ERICH1: variants seen among roughly 807,000 people sequenced by gnomAD.
ERICH1 encodes glutamate-rich protein 1.
A neutral mutation model predicts 39.6 loss-of-function variants in ERICH1; 56 were observed. That is an observed-to-expected ratio of 1.41 (90% CI 1.14 to 1.77). The LOEUF is 1.77. Ranked by LOEUF, ERICH1 falls within the 40% of genes most tolerant of loss-of-function variation. ERICH1 has a pLI of 0.00. For synonymous variants in ERICH1, 313 were observed against 223.6 expected (o/e 1.40, Z -3.57); for missense variants, 826 against 575.4 (o/e 1.44, Z -4.45).
intron 3 of ERICH1, among the ~76,000 whole-genome samples, chr8:627,828 T>A (rs975696251): frequency 6.6e-6 from 1 of 151,906 alleles, no homozygotes; most frequent in Non-Finnish European, 1.5e-5. Flanking sequence ...CCAGCAAGGG[T>A]CTGACAGGCT....
intron 3 of ERICH1, among the ~76,000 whole-genome samples, chr8:687,567 A>T (rs1186095176): frequency 6.6e-6 from 1 of 152,088 alleles, no homozygotes; most frequent in Non-Finnish European, 1.5e-5. Flanking sequence ...GAACCCGTGG[A>T]GGGAGGCAGC....
intron 3 of ERICH1, among the ~76,000 whole-genome samples, chr8:636,309 G>A (rs1419264728): frequency 2.0e-5 from 3 of 152,246 alleles, no homozygotes; most frequent in Non-Finnish European, 4.4e-5. Flanking sequence ...GGAACTAGGT[G>A]CAGCCACAAC....
intron 2 of ERICH1, among the ~76,000 whole-genome samples, chr8:714,991 T>C (rs544538097): frequency 4.6e-5 from 7 of 151,322 alleles, no homozygotes; most frequent in African/African-American, 1.7e-4. Context: ...GCACAGCCGG[T>C]CTATTCTCGT....
At chr8:651,676 G>T (rs1161368440) in intron 3 of ERICH1, among the ~76,000 whole-genome samples, 1 of 151,464 alleles carries the variant, frequency 6.6e-6, no homozygotes, top group Non-Finnish European at 1.5e-5. Context: ...GACGGGCAGG[G>T]TGGGGGAGAA....
At position 648,263 on chromosome 8, in the gene ERICH1, T is replaced by C. The variant is rs1799577488; in HGVS notation, c.976+20335A>G. On this transcript the variant is annotated intron_variant, in intron 3 of 3. Transcript: ENST00000522706. ...CTATGGGAAATACATTTCTTTTCTT[T>C]ACGGATGAACCAGTCTCGGGTATCG... is the stretch of plus-strand genomic sequence containing the variant. Among the ~76,000 whole-genome samples, 3 of 64,844 alleles carry C rather than the reference T, an allele frequency of 4.6e-5. 1 individual carries two copies. Among genetic ancestry groups the C allele is most frequent in the Non-Finnish European group, 1.4e-4 (3 of 21,772 alleles). 42.5% of individuals were successfully genotyped at this position (64,844 alleles called of 152,430 possible).
intron 5 of ERICH1, chr8:667,233 C>G (rs552109973): frequency 2.6e-5 from 4 of 152,888 alleles, no homozygotes; most frequent in East Asian, 1.9e-4. Flanking sequence ...CGCCCTGTCA[C>G]GTGCATCCCC....
At chr8:634,362 C>A (rs541631787) in intron 3 of ERICH1, among the ~76,000 whole-genome samples, 1 of 151,570 alleles carries the variant, frequency 6.6e-6, no homozygotes, top group Non-Finnish European at 1.5e-5. Flanking sequence ...GCGCTTGGAA[C>A]CCTCGTGCAC....
At position 703,315 on chromosome 8, in the gene ERICH1, A is replaced by G. The variant is rs184338642; in HGVS notation, c.170-10703T>C. Among the ~76,000 whole-genome samples the G allele has an allele frequency of 7.6e-4, 114 of 150,882 alleles. 1 individual carries two copies. The highest frequency in any genetic ancestry group is 7.0e-3 in the Admixed American group (105 of 15,036). On this transcript the variant is annotated intron_variant, in intron 2 of 5. Coordinates refer to ENST00000262109, the MANE Select transcript of ERICH1 (RefSeq NM_207332.3). The stretch of plus-strand genomic sequence containing the variant: ...CAAAATGAGAATAAGTGGGTTTGCA[A>G]CACACAGAGGACAAATGAAGGACAG...
chr8:638,335 G>A (rs1036533955), intron 3 of ERICH1, among the ~76,000 whole-genome samples: 1 of 152,226 alleles, frequency 6.6e-6, no homozygotes, highest in East Asian at 1.9e-4. Context: ...CCACGCTTGG[G>A]CACGTTCAGA....
rs1455084671 is a variant in ERICH1, at chr8:715,145, T to C, written c.169+716A>G. 2.6e-5 allele frequency among the ~76,000 whole-genome samples: 4 copies of C among 152,108 alleles called. No homozygotes were observed. The East Asian group carries it at 7.8e-4, about 30-fold the overall frequency. ...TCTCTTCCCACATCTCTCAGTGGGA[T>C]GTGCTGCACCCAGGTGGCCTCTTCC... On this transcript the variant is annotated intron_variant, in intron 2 of 5. Coordinates refer to ENST00000262109, the MANE Select transcript of ERICH1 (RefSeq NM_207332.3).
intron 3 of ERICH1, among the ~76,000 whole-genome samples, chr8:622,957 A>G (rs1452688221): frequency 3.7e-5 from 1 of 26,866 alleles, no homozygotes; most frequent in African/African-American, 2.4e-4. Flanking sequence ...ATCCGCTCTC[A>G]ATAAATAAAT....
intron 1 of ERICH1, among the ~76,000 whole-genome samples, chr8:716,768 A>T (rs1172489246): frequency 1.3e-5 from 2 of 152,286 alleles, no homozygotes; most frequent in East Asian, 3.9e-4. Context: ...CTTTAGGAAC[A>T]GGGAGGCAGG....
chr8:707,184 G>A (rs1234546959), intron 2 of ERICH1, among the ~76,000 whole-genome samples: 2 of 149,296 alleles, frequency 1.3e-5, no homozygotes, highest in African/African-American at 4.9e-5. Context: ...CCCCACATCT[G>A]TGGCCAACTG....
At chr8:630,004 CCACA>C (rs1388279772) in intron 3 of ERICH1, among the ~76,000 whole-genome samples, 1 of 133,796 alleles carries the variant, frequency 7.5e-6, no homozygotes, top group African/African-American at 2.9e-5. Context: ...CTGTGAGCAC[CCACA>C]CAGACAAAGC....
At chr8:707,226 T>TTTTC (rs34236829) in intron 2 of ERICH1, among the ~76,000 whole-genome samples, 1 of 146,452 alleles carries the variant, frequency 6.8e-6, no homozygotes, top group Non-Finnish European at 1.5e-5. Flanking sequence ...TTTTTTTTTT[T>TTTTC]AGACAGAGTA....
intron 3 of ERICH1, among the ~76,000 whole-genome samples, chr8:641,396 A>G (rs990235797): frequency 6.6e-6 from 1 of 152,232 alleles, no homozygotes; most frequent in Non-Finnish European, 1.5e-5. Context: ...ATTAAAAATT[A>G]AAAGAGAAAA....
chr8:640,387 T>C (rs951623359), intron 3 of ERICH1, among the ~76,000 whole-genome samples: 10 of 152,040 alleles, frequency 6.6e-5, no homozygotes, highest in Admixed American at 3.3e-4. Flanking sequence ...CCCAGAAAAA[T>C]TGCCAAAGTC....
chr8:687,158 G>C (rs896325794), intron 3 of ERICH1, among the ~76,000 whole-genome samples: 2 of 152,184 alleles, frequency 1.3e-5, no homozygotes, highest in Non-Finnish European at 2.9e-5. Context: ...ATTTCAACTG[G>C]TGCTTGCTGC....
At position 673,778 on chromosome 8, in the gene ERICH1, G is replaced by T. The variant is rs368180679; in HGVS notation, c.574C>A (p.Pro192Thr). The T allele has an allele frequency of 3.9e-5, 63 of 1,614,072 alleles. No homozygotes were observed. The highest frequency in any genetic ancestry group is 5.3e-5 in the Non-Finnish European group (63 of 1,180,058). ...KAAGVSFMYQ[P>T]EDSSNEGEGV... The stretch of plus-strand genomic sequence containing the variant: ...TCCCCTTCATTGCTGCTGTCCTCGG[G>T]CTGGTACATGAAACTGACACCAGCA... Residue 192 changes from proline (P) to threonine (T), a missense_variant, in exon 4 of 6, where the codon CCC becomes ACC. Coordinates refer to ENST00000262109, the MANE Select transcript of ERICH1 (RefSeq NM_207332.3).
Sources: allele counts gnomAD v4.1 joint callset (sites outside exome capture counted in the v4.1 genomes callset), GRCh38; gene constraint gnomAD v4.1.1; transcripts MANE v1.5; gene names NCBI Gene and HGNC (gene_info 2026-07-23, HGNC 2026-07-21).